Variants in SMPX observed in about 807,000 individuals in gnomAD.
SMPX encodes the protein small muscle protein X-linked.
Under a neutral mutation model 6.3 loss-of-function variants are expected in SMPX, and 2 were observed. The observed-to-expected ratio is 0.32, with a 90% CI of 0.13 to 0.99. The LOEUF (loss-of-function observed/expected upper bound fraction) is 0.99. Ranked by LOEUF, SMPX falls within the 50% of genes least tolerant of loss-of-function variation. SMPX has a pLI of 0.49. For synonymous variants in SMPX, 32 were observed against 24.7 expected (o/e 1.30, Z -0.88); for missense variants, 60 against 66.8 (o/e 0.90, Z 0.36).
intron 3 of SMPX, among the ~76,000 whole-genome samples, chrX:21,739,972 A>G (rs2092814358): frequency 8.9e-6 from 1 of 112,385 alleles, no homozygotes; most frequent in Non-Finnish European, 1.9e-5. Context: ...AATATTTAAT[A>G]GGCACCTTCC....
intron 2 of SMPX, among the ~76,000 whole-genome samples, chrX:21,746,628 G>T (rs920883909): frequency 2.1e-5 from 2 of 94,194 alleles, no homozygotes; most frequent in Non-Finnish European, 4.2e-5. Context: ...CATCACTCAA[G>T]AAATCAGAAA....
intron 4 of SMPX, among the ~76,000 whole-genome samples, chrX:21,732,742 T>C (rs1213189964): frequency 8.9e-6 from 1 of 112,228 alleles, no homozygotes; most frequent in Non-Finnish European, 1.9e-5. Context: ...AGGACTCTTA[T>C]GGACTGCATG....
chrX:21,757,931 C>T lies in SMPX; in HGVS notation c.-13+11G>A, dbSNP rs1260130770. 2 of 325,956 alleles carry T rather than the reference C, an allele frequency of 6.1e-6. No individual in the cohort carries two copies. Among genetic ancestry groups the T allele is most frequent in the Non-Finnish European group, 1.2e-5 (2 of 168,266 alleles). The allele number at this position is 325,956 out of a possible 1,213,427, so 26.9% of individuals were successfully genotyped here. A position where few individuals can be genotyped will look rare whatever the true frequency, so the allele number is the denominator to read the frequency against. ...AAAACCCAGTCGCCGGAGCTGCGTC[C>T]TTCTGCTTACCTGCTTTATGTATTT... On this transcript the variant is annotated intron_variant, in intron 1 of 4. Transcript: ENST00000379494.
intron 4 of SMPX, among the ~76,000 whole-genome samples, chrX:21,721,859 A>G (rs2092792065): frequency 8.9e-6 from 1 of 112,312 alleles, no homozygotes; most frequent in Admixed American, 9.4e-5. Flanking sequence ...TATTTGAGAA[A>G]AGCTATAAAG....
chrX:21,749,808 A>G (rs1283538831), intron 2 of SMPX, among the ~76,000 whole-genome samples: 4 of 112,231 alleles, frequency 3.6e-5, no homozygotes, highest in African/African-American at 1.3e-4. Flanking sequence ...CAGACTTACA[A>G]GCTGGACAGA....
At chrX:21,719,741 T>A (rs2092789579) in intron 4 of SMPX, among the ~76,000 whole-genome samples, 1 of 111,442 alleles carries the variant, frequency 9.0e-6, no homozygotes, top group African/African-American at 3.3e-5. Context: ...CACTAATGAC[T>A]CAAGGACATG....
In SMPX at chrX:21,706,316, C is replaced by G; in HGVS notation, c.*93G>C. 2.1e-6 allele frequency: 1 copy of G among 486,130 alleles called. No homozygotes were observed. 40.1% of individuals were successfully genotyped at this position (486,130 alleles called of 1,213,427 possible). ...TAGAGTCTCAGGCATTCAGGAGGTTCACAATCATCATACAAATATATAAAA... is the reference window on the plus strand; with the variant it reads ...TAGAGTCTCAGGCATTCAGGAGGTTGACAATCATCATACAAATATATAAAA... On this transcript the variant is annotated 3_prime_UTR_variant, in exon 5 of 5. Transcript: ENST00000379494.
intron 3 of SMPX, among the ~76,000 whole-genome samples, chrX:21,742,238 G>A (rs1313914060): frequency 8.9e-6 from 1 of 111,946 alleles, no homozygotes; most frequent in East Asian, 2.8e-4. Flanking sequence ...TGAAGGTATA[G>A]AAGAATTCCA....
At chrX:21,709,643 A>G in intron 4 of SMPX, among the ~76,000 whole-genome samples, 2 of 112,079 alleles carry the variant, frequency 1.8e-5, no homozygotes, top group Middle Eastern at 9.1e-3. Context: ...TCATAGATGC[A>G]GAAATCCAGG....
intron 3 of SMPX, 77 bp from the exon 4 acceptor site, chrX:21,737,774 A>G: frequency 9.9e-7 from 1 of 1,009,049 alleles, no homozygotes; most frequent in South Asian, 2.0e-5. Flanking sequence ...TGAACCAGAA[A>G]AAAAAATTAA....
chrX:21,742,320 T>C (rs1048752228), intron 3 of SMPX, among the ~76,000 whole-genome samples: 3 of 112,326 alleles, frequency 2.7e-5, no homozygotes, highest in African/African-American at 9.7e-5. Flanking sequence ...GAGTGCTTCA[T>C]GAAAATTGGA....
intron 4 of SMPX, among the ~76,000 whole-genome samples, chrX:21,712,511 TA>T (rs1415427811): frequency 9.0e-6 from 1 of 111,344 alleles, no homozygotes; most frequent in African/African-American, 3.3e-5. Flanking sequence ...AACTCAGAGT[TA>T]GGGGCTGGCA....
chrX:21,706,983 C>T (rs2092773641), intron 4 of SMPX, among the ~76,000 whole-genome samples: 1 of 109,208 alleles, frequency 9.2e-6, no homozygotes, highest in Admixed American at 1.0e-4. Flanking sequence ...GTTACCCAGT[C>T]TCAGACATTT....
At chrX:21,726,332 G>GT (rs944512366) in intron 4 of SMPX, among the ~76,000 whole-genome samples, 1 of 112,162 alleles carries the variant, frequency 8.9e-6, no homozygotes, top group African/African-American at 3.2e-5. Flanking sequence ...CTTCTCAGCA[G>GT]TCAGTACCAA....
chrX:21,715,810 C>T (rs2092784514), intron 4 of SMPX, among the ~76,000 whole-genome samples: 1 of 111,602 alleles, frequency 9.0e-6, no homozygotes, highest in African/African-American at 3.3e-5. Context: ...GAGGGTACTA[C>T]TGGCATTTGG....
intron 3 of SMPX, among the ~76,000 whole-genome samples, chrX:21,738,000 G>C (rs1007122846): frequency 1.8e-5 from 2 of 112,437 alleles, no homozygotes; most frequent in South Asian, 7.4e-4. Context: ...CAAAGGATTT[G>C]TGTTTCCAAG....
At chrX:21,743,687 C>T in intron 3 of SMPX, 63 bp downstream of exon 3, 1 of 992,499 alleles carries the variant, frequency 1.0e-6, no homozygotes, top group Non-Finnish European at 1.4e-6. Flanking sequence ...GCCTCTGCCC[C>T]CTCTGGTGAG....
chrX:21,718,273 T>A (rs1180031028), intron 4 of SMPX, among the ~76,000 whole-genome samples: 1 of 112,209 alleles, frequency 8.9e-6, no homozygotes, highest in Non-Finnish European at 1.9e-5. Context: ...AGTGGATGAA[T>A]GAAGTTTGCA....
chrX:21,739,287 T>C (rs1221992582), intron 3 of SMPX, among the ~76,000 whole-genome samples: 1 of 112,176 alleles, frequency 8.9e-6, no homozygotes, highest in African/African-American at 3.2e-5. Context: ...TTTATAGAAA[T>C]GTTTTTAAAT....
Sources: allele counts gnomAD v4.1 joint callset (sites outside exome capture counted in the v4.1 genomes callset), GRCh38; gene constraint gnomAD v4.1.1; transcripts MANE v1.5; gene names NCBI Gene and HGNC (gene_info 2026-07-23, HGNC 2026-07-21).